CNOT6: variants seen among roughly 807,000 people sequenced by gnomAD.
The protein encoded by CNOT6 is carbon catabolite repression 4 protein.
A neutral mutation model predicts 61.2 loss-of-function variants in CNOT6; 12 were observed. The ratio of observed to expected loss-of-function variants is 0.20; its 90% CI spans 0.13 to 0.32. The LOEUF is 0.32. Among genes scored for constraint, CNOT6 ranks in the 10% least tolerant of loss-of-function variants. CNOT6 has a pLI of 1.00. For missense variants in CNOT6, 405 were observed against 663.9 expected, an observed-to-expected ratio of 0.61 and a Z score of 4.28; for synonymous variants, 225 against 240.6, an observed-to-expected ratio of 0.94 and a Z score of 0.60.
chr5:180,509,725 T>C (rs1261835797), intron 1 of CNOT6, among the ~76,000 whole-genome samples: 4 of 151,978 alleles, frequency 2.6e-5, no homozygotes, highest in African/African-American at 9.7e-5. Context: ...TAATTTTTTA[T>C]TTTTACGTAG....
intron 11 of CNOT6, among the ~76,000 whole-genome samples, chr5:180,572,479 C>T (rs1035275164): frequency 3.9e-5 from 6 of 152,112 alleles, no homozygotes; most frequent in East Asian, 1.9e-4. Flanking sequence ...CATGAGCCAC[C>T]GCACCTGGTC....
chr5:180,525,299 G>A (rs1180308778), intron 1 of CNOT6, among the ~76,000 whole-genome samples: 1 of 152,164 alleles, frequency 6.6e-6, no homozygotes, highest in Non-Finnish European at 1.5e-5. Context: ...CACTTTGGGA[G>A]GCTGAGGCAG....
intron 1 of CNOT6, among the ~76,000 whole-genome samples, chr5:180,512,415 A>G (rs1325754621): frequency 1.3e-5 from 2 of 152,172 alleles, no homozygotes; most frequent in African/African-American, 4.8e-5. Context: ...TATAGAAGGA[A>G]ATATTGGGAC....
At chr5:180,559,330 G>A (rs1488494264) in intron 4 of CNOT6, among the ~76,000 whole-genome samples, 1 of 152,110 alleles carries the variant, frequency 6.6e-6, no homozygotes, top group African/African-American at 2.4e-5. Flanking sequence ...GTCTTCTTGA[G>A]GGATTGAGCC....
intron 1 of CNOT6, among the ~76,000 whole-genome samples, chr5:180,515,595 T>C (rs1020348465): frequency 3.9e-5 from 6 of 152,046 alleles, no homozygotes; most frequent in Admixed American, 1.3e-4. Flanking sequence ...GGAGGATGTG[T>C]AATAGTTGAA....
chr5:180,521,725 C>G (rs1473324722), intron 1 of CNOT6, among the ~76,000 whole-genome samples: 1 of 152,136 alleles, frequency 6.6e-6, no homozygotes, highest in African/African-American at 2.4e-5. Context: ...CTAATAGTCC[C>G]TAGTTTTATT....
intron 2 of CNOT6, among the ~76,000 whole-genome samples, chr5:180,530,581 G>T (rs1000017288): frequency 4.9e-3 from 592 of 120,614 alleles, no homozygotes; most frequent in Non-Finnish European, 7.3e-3. Flanking sequence ...TTTTTTTTTA[G>T]TTTTTATTGA....
At chr5:180,504,346 A>G (rs1757029662) in intron 1 of CNOT6, among the ~76,000 whole-genome samples, 1 of 152,152 alleles carries the variant, frequency 6.6e-6, no homozygotes, top group African/African-American at 2.4e-5. Flanking sequence ...TTTTAAGGGG[A>G]AAAGACTAGT....
Position 180,574,429 on chromosome 5 carries a change from T to C in CNOT6, c.*229T>C. On this transcript the variant is annotated 3_prime_UTR_variant, in exon 12 of 12. Transcript: ENST00000261951. ...ACAGGGATTGGTGTGTTTGCACCTG[T>C]CTTTCATTTGTCATAAGAGATTTTC... is the stretch of plus-strand genomic sequence containing the variant. 1 of 565,392 alleles carries C rather than the reference T, an allele frequency of 1.8e-6. No homozygotes were observed. Among genetic ancestry groups the C allele is most frequent in the South Asian group, 2.2e-5 (1 of 45,776 alleles). 35.0% of individuals were successfully genotyped at this position (565,392 alleles called of 1,614,324 possible).
At chr5:180,551,128 G>C (rs1427214225) in intron 3 of CNOT6, among the ~76,000 whole-genome samples, 1 of 151,638 alleles carries the variant, frequency 6.6e-6, no homozygotes, top group African/African-American at 2.4e-5. Flanking sequence ...CTGATTGCTT[G>C]AGCCCAGGTG....
At chr5:180,562,430 A>C (rs1001752857) in intron 4 of CNOT6, among the ~76,000 whole-genome samples, 4 of 152,152 alleles carry the variant, frequency 2.6e-5, no homozygotes, top group African/African-American at 7.2e-5. Flanking sequence ...AGTGAAGAGC[A>C]GATTAATTTT....
At chr5:180,495,308 A>T (rs913181699) in intron 1 of CNOT6, 1 of 152,260 alleles carries the variant, frequency 6.6e-6, no homozygotes, top group Non-Finnish European at 1.5e-5. Flanking sequence ...AGCACTTGGC[A>T]TGCAATGAGG....
chr5:180,530,526 C>T (rs949713124), intron 2 of CNOT6, among the ~76,000 whole-genome samples: 1 of 151,548 alleles, frequency 6.6e-6, no homozygotes, highest in South Asian at 2.1e-4. Context: ...GGTCAGTACA[C>T]ACACGGGTCT....
intron 4 of CNOT6, among the ~76,000 whole-genome samples, chr5:180,555,733 G>A (rs929633090): frequency 3.9e-5 from 6 of 152,038 alleles, no homozygotes; most frequent in African/African-American, 1.2e-4. Context: ...GATTTCTCCC[G>A]GCATCCGCTT....
chr5:180,549,201 G>C lies in CNOT6; in HGVS notation c.113-730G>C, dbSNP rs532364768. On this transcript the variant is annotated intron_variant, in intron 2 of 11. Coordinates refer to ENST00000261951, the MANE Select transcript of CNOT6 (RefSeq NM_001370472.1). ...TACCTTGTGTTCCTTTTTGTTTTTAGGCAAAATTCTTGTTTTCTGGAGATA... is the reference window on the plus strand; with the variant it reads ...TACCTTGTGTTCCTTTTTGTTTTTACGCAAAATTCTTGTTTTCTGGAGATA... Among the ~76,000 whole-genome samples, 15 of 152,114 alleles carry C rather than the reference G, an allele frequency of 9.9e-5. 1 individual carries two copies. The highest frequency in any genetic ancestry group is 8.5e-4 in the Admixed American group (13 of 15,270).
At chr5:180,495,086 C>G (rs917367903) in intron 1 of CNOT6, among the ~76,000 whole-genome samples, 1 of 152,218 alleles carries the variant, frequency 6.6e-6, no homozygotes, top group Non-Finnish European at 1.5e-5. Context: ...GAGGCGAGTC[C>G]GTGTCCCGGG....
At chr5:180,536,145 G>A (rs563052454) in intron 2 of CNOT6, among the ~76,000 whole-genome samples, 5 of 144,054 alleles carry the variant, frequency 3.5e-5, no homozygotes, top group East Asian at 2.1e-4. Context: ...ACAGGCACCC[G>A]CCACCACACC....
intron 10 of CNOT6, among the ~76,000 whole-genome samples, chr5:180,570,004 C>T (rs1304489410): frequency 6.6e-6 from 1 of 152,036 alleles, no homozygotes; most frequent in Non-Finnish European, 1.5e-5. Flanking sequence ...TACGCATGAA[C>T]ACACACACAC....
At chr5:180,533,241 T>C (rs1758478710) in intron 2 of CNOT6, among the ~76,000 whole-genome samples, 1 of 150,340 alleles carries the variant, frequency 6.7e-6, no homozygotes, top group Non-Finnish European at 1.5e-5. Context: ...TCCTGTTTCC[T>C]GAGGCCTTAA....
Sources: gnomAD v4.1 joint callset for allele counts (sites outside exome capture counted in the v4.1 genomes callset) on GRCh38, gnomAD v4.1.1 for gene constraint, MANE v1.5 for transcripts, NCBI Gene and HGNC (gene_info 2026-07-23, HGNC 2026-07-21) for gene names.